The following SLC4A10 variants were observed in gnomAD, a reference collection of about 807,000 sequenced individuals.
The protein encoded by SLC4A10 is sodium-driven chloride bicarbonate exchanger.
In SLC4A10, 42 loss-of-function variants were observed where a neutral mutation model predicts 137.7. The ratio of observed to expected loss-of-function variants is 0.30; its 90% CI spans 0.24 to 0.39. SLC4A10 has a LOEUF of 0.39. SLC4A10 is among the 10% of genes least tolerant of loss of function. The pLI, the probability that SLC4A10 is intolerant of heterozygous loss-of-function variation, is 1.00. For missense variants in SLC4A10, 925 were observed against 1,355.0 expected (o/e 0.68, Z 4.98); for synonymous variants, 474 against 464.1 (o/e 1.02, Z -0.27).
At chr2:161,790,422 T>G (rs2054073592) in intron 2 of SLC4A10, among the ~76,000 whole-genome samples, 2 of 152,204 alleles carry the variant, frequency 1.3e-5, no homozygotes. Context: ...TTATTTCTGG[T>G]ATTATTAGTT....
At chr2:161,706,619 A>G (rs965079046) in intron 1 of SLC4A10, among the ~76,000 whole-genome samples, 1 of 151,454 alleles carries the variant, frequency 6.6e-6, no homozygotes, top group African/African-American at 2.4e-5. Flanking sequence ...GGATATTTTA[A>G]ACCTGATTAT....
At chr2:161,934,310 C>A (rs184397783) in intron 15 of SLC4A10, among the ~76,000 whole-genome samples, 3 of 152,164 alleles carry the variant, frequency 2.0e-5, no homozygotes, top group Non-Finnish European at 4.4e-5. Flanking sequence ...CTTGCCTGCC[C>A]ACCCCTCATT....
At chr2:161,819,274 G>A (rs1008451279) in intron 3 of SLC4A10, among the ~76,000 whole-genome samples, 3 of 152,100 alleles carry the variant, frequency 2.0e-5, no homozygotes, top group African/African-American at 7.2e-5. Flanking sequence ...TGATTCCTAG[G>A]TGAGTCTAAA....
At chr2:161,721,889 C>G (rs1308634069) in intron 1 of SLC4A10, among the ~76,000 whole-genome samples, 1 of 152,144 alleles carries the variant, frequency 6.6e-6, no homozygotes, top group Non-Finnish European at 1.5e-5. Context: ...TGTTCCTTTT[C>G]ATTCTTCTTT....
chr2:161,715,596 G>C, intron 1 of SLC4A10, among the ~76,000 whole-genome samples: 1 of 151,976 alleles, frequency 6.6e-6, no homozygotes. Context: ...GTGGTATTTG[G>C]TTTTCTGTTC....
intron 2 of SLC4A10, among the ~76,000 whole-genome samples, chr2:161,801,349 T>G (rs2055345785): frequency 6.6e-6 from 1 of 152,028 alleles, no homozygotes; most frequent in Admixed American, 6.6e-5. Flanking sequence ...TTTGCCCAAC[T>G]TCTCTCTTAA....
intron 3 of SLC4A10, among the ~76,000 whole-genome samples, chr2:161,831,139 G>A (rs1575172083): frequency 6.6e-6 from 1 of 152,120 alleles, no homozygotes; most frequent in African/African-American, 2.4e-5. Flanking sequence ...CAGAAGATGA[G>A]GCTAATGAGT....
intron 1 of SLC4A10, among the ~76,000 whole-genome samples, chr2:161,679,235 A>G (rs2040584612): frequency 6.6e-6 from 1 of 152,130 alleles, no homozygotes; most frequent in Non-Finnish European, 1.5e-5. Flanking sequence ...TCAAATACTT[A>G]TTTCAAGCTT....
chr2:161,801,415 A>G (rs2055353691), intron 2 of SLC4A10, among the ~76,000 whole-genome samples: 1 of 151,884 alleles, frequency 6.6e-6, no homozygotes, highest in African/African-American at 2.4e-5. Flanking sequence ...TCAAAATTAC[A>G]CTGTCTGCTG....
intron 1 of SLC4A10, among the ~76,000 whole-genome samples, chr2:161,753,438 A>G (rs924298208): frequency 1.3e-5 from 2 of 152,232 alleles, no homozygotes; most frequent in African/African-American, 2.4e-5. Flanking sequence ...TAGCCAAATA[A>G]CATGGGTTTT....
chr2:161,728,493 C>T (rs545029132), intron 1 of SLC4A10, among the ~76,000 whole-genome samples: 4 of 152,022 alleles, frequency 2.6e-5, no homozygotes, highest in African/African-American at 9.6e-5. Flanking sequence ...GGAGATTGCT[C>T]AAACCCGGGA....
At chr2:161,659,335 TG>T (rs1322766951) in intron 1 of SLC4A10, among the ~76,000 whole-genome samples, 1 of 152,198 alleles carries the variant, frequency 6.6e-6, no homozygotes, top group African/African-American at 2.4e-5. Flanking sequence ...AACTAAATAA[TG>T]TGTACACATG....
intron 15 of SLC4A10, among the ~76,000 whole-genome samples, chr2:161,919,509 T>G (rs900526377): frequency 5.9e-5 from 9 of 152,152 alleles, no homozygotes; most frequent in African/African-American, 2.2e-4. Flanking sequence ...ATCAGGCAGA[T>G]GATGGGACCA....
chr2:161,847,222 G>A (rs1163540964), intron 4 of SLC4A10, among the ~76,000 whole-genome samples: 3 of 151,856 alleles, frequency 2.0e-5, no homozygotes, highest in Non-Finnish European at 4.4e-5. Context: ...CAGTCTGGAT[G>A]ACAGAGTGAG....
At chr2:161,791,812 A>G (rs891735414) in intron 2 of SLC4A10, among the ~76,000 whole-genome samples, 2 of 152,158 alleles carry the variant, frequency 1.3e-5, no homozygotes, top group African/African-American at 4.8e-5. Flanking sequence ...GTAATTATCT[A>G]TACTCTGCTT....
At chr2:161,892,295 G>A (rs140058774) in intron 10 of SLC4A10, among the ~76,000 whole-genome samples, 207 of 152,062 alleles carry the variant, frequency 1.4e-3, no homozygotes, top group African/African-American at 3.9e-3. Flanking sequence ...AAAGAGTAGG[G>A]TTGCTAAACT....
At chr2:161,672,401 T>C (rs1356286531) in intron 1 of SLC4A10, among the ~76,000 whole-genome samples, 1 of 152,108 alleles carries the variant, frequency 6.6e-6, no homozygotes. Flanking sequence ...TCCTGCCTCC[T>C]GACTTTTTCA....
At position 161,881,767 on chromosome 2, in the gene SLC4A10, G is replaced by A. The variant is rs2061800360; in HGVS notation, c.1107-590G>A. ...CCAAATGTTCGACCTAATATAGATG[G>A]AATATTATAGTGCAGATGCTATTTT... On this transcript the variant is annotated intron_variant, in intron 9 of 26. Transcript: ENST00000446997. Among the ~76,000 whole-genome samples, 3 of 151,914 alleles carry A rather than the reference G, an allele frequency of 2.0e-5. No individual in the cohort carries two copies. The South Asian group carries it at 6.2e-4, about 32-fold the overall frequency.
At chr2:161,656,979 T>A (rs2037629645) in intron 1 of SLC4A10, among the ~76,000 whole-genome samples, 1 of 152,052 alleles carries the variant, frequency 6.6e-6, no homozygotes, top group African/African-American at 2.4e-5. Flanking sequence ...GATTTATAAT[T>A]TGTTAGATTC....
Sources: gnomAD v4.1 joint callset for allele counts (sites outside exome capture counted in the v4.1 genomes callset) on GRCh38, gnomAD v4.1.1 for gene constraint, MANE v1.5 for transcripts, NCBI Gene and HGNC (gene_info 2026-07-23, HGNC 2026-07-21) for gene names.